Variants in RP1 observed in about 807,000 individuals in gnomAD.
The protein encoded by RP1 is RP1 axonemal microtubule associated.
RP1 carries 16 observed loss-of-function variants against 14.8 expected under a neutral mutation model. The observed-to-expected ratio is 1.08, with a 90% CI of 0.73 to 1.65. The LOEUF (loss-of-function observed/expected upper bound fraction) is 1.65, where lower values mean the gene tolerates loss of function less well. RP1 is among the 40% of genes most tolerant of loss of function. The pLI is 0.00. For missense variants in RP1, 2,631 were observed against 2,535.0 expected (o/e 1.04, Z -0.81); for synonymous variants, 876 against 883.6 (o/e 0.99, Z 0.15).
chr8:54,603,076 C>T (rs764736639), intron 1 of RP1, among the ~76,000 whole-genome samples: 4 of 152,092 alleles, frequency 2.6e-5, no homozygotes, highest in Non-Finnish European at 4.4e-5. Flanking sequence ...TTTTTGTTGC[C>T]ATTGCTTTTG....
At chr8:54,837,406 G>A in intron 24 of RP1, 1 of 845,726 alleles carries the variant, frequency 1.2e-6, no homozygotes, top group Non-Finnish European at 1.6e-6. Context: ...TTGGAAATTG[G>A]AGATGTAGGG....
At chr8:54,726,587 AC>A in intron 17 of RP1, 1 of 1,096,708 alleles carries the variant, frequency 9.1e-7, no homozygotes, top group Non-Finnish European at 1.2e-6. Flanking sequence ...ATTATGTTAT[AC>A]CACATGGACT....
At chr8:54,728,977 T>G (rs1808727114) in intron 17 of RP1, among the ~76,000 whole-genome samples, 1 of 152,150 alleles carries the variant, frequency 6.6e-6, no homozygotes, top group Non-Finnish European at 1.5e-5. Flanking sequence ...TTAAAGCAAA[T>G]ATAAGACACC....
intron 1 of RP1, among the ~76,000 whole-genome samples, chr8:54,591,763 G>A (rs1805046803): frequency 6.6e-6 from 1 of 152,068 alleles, no homozygotes; most frequent in Non-Finnish European, 1.5e-5. Flanking sequence ...ATGCGTCAGC[G>A]GCCAGGTGGG....
intron 28 of RP1, among the ~76,000 whole-genome samples, chr8:54,867,949 A>G (rs1322884744): frequency 6.6e-6 from 1 of 152,208 alleles, no homozygotes; most frequent in Non-Finnish European, 1.5e-5. Flanking sequence ...CAGTATATAT[A>G]CAACATTTGG....
chr8:54,665,026 T>G (rs146879159), intron 7 of RP1, among the ~76,000 whole-genome samples: 196 of 152,286 alleles, frequency 1.3e-3, no homozygotes, highest in African/African-American at 4.5e-3. Context: ...TATTTCTTCT[T>G]TTTTGTTGTT....
intron 1 of RP1, among the ~76,000 whole-genome samples, chr8:54,606,941 T>A (rs1335050579): frequency 7.4e-6 from 1 of 135,874 alleles, no homozygotes; most frequent in East Asian, 1.9e-4. Flanking sequence ...AGTTATCCAT[T>A]CGTCTAATTT....
At chr8:54,755,868 T>G (rs1809494517) in intron 21 of RP1, 1 of 1,183,644 alleles carries the variant, frequency 8.4e-7, no homozygotes, top group African/African-American at 1.6e-5. Flanking sequence ...CTCTTCAAAT[T>G]GTAGTTTTAA....
chr8:54,714,082 C>T (rs563279811), intron 15 of RP1, among the ~76,000 whole-genome samples: 8 of 152,254 alleles, frequency 5.3e-5, no homozygotes, highest in South Asian at 2.1e-4. Flanking sequence ...CCCACCACCA[C>T]GCCCAGCTAA....
chr8:54,654,141 T>C (rs1806711160), intron 5 of RP1, among the ~76,000 whole-genome samples: 1 of 152,216 alleles, frequency 6.6e-6, no homozygotes, highest in African/African-American at 2.4e-5. Flanking sequence ...AGTTTCCTTC[T>C]GAATGTAGAA....
intron 1 of RP1, among the ~76,000 whole-genome samples, chr8:54,570,794 C>A (rs1804503423): frequency 6.6e-6 from 1 of 152,152 alleles, no homozygotes; most frequent in Admixed American, 6.5e-5. Context: ...ATCTTTTCAG[C>A]CTGCTAGACT....
At chr8:54,704,321 G>C (rs1808098747) in intron 14 of RP1, among the ~76,000 whole-genome samples, 1 of 152,160 alleles carries the variant, frequency 6.6e-6, no homozygotes, top group South Asian at 2.1e-4. Flanking sequence ...GTGTCTGAGG[G>C]AATAGAGAGG....
rs144634346 is a variant in RP1 at position 54,854,550 on chromosome 8, G to C, written c.3990+1822G>C. Among the ~76,000 whole-genome samples the C allele has an allele frequency of 3.8e-3, 574 of 152,246 alleles. 2 individuals are homozygous for C. Among genetic ancestry groups the C allele is most frequent in the African/African-American group, 0.012 (511 of 41,550 alleles). Reference sequence around the variant, plus strand: ...GCAAGAAAATCCTCATAATCTAGGGGGTTGATTAGGACTTTAAAAGTGTTT... The same window carrying C: ...GCAAGAAAATCCTCATAATCTAGGGCGTTGATTAGGACTTTAAAAGTGTTT... On this transcript the variant is annotated intron_variant, in intron 26 of 28. Coordinates refer to the RP1 transcript ENST00000637698.
At chr8:54,648,488 A>G (rs1042313358) in intron 3 of RP1, among the ~76,000 whole-genome samples, 1 of 152,184 alleles carries the variant, frequency 6.6e-6, no homozygotes, top group African/African-American at 2.4e-5. Context: ...TGAATAAATT[A>G]TAGCAGATAA....
intron 18 of RP1, among the ~76,000 whole-genome samples, chr8:54,736,183 T>G (rs1213832076): frequency 6.6e-6 from 1 of 152,216 alleles, no homozygotes; most frequent in Non-Finnish European, 1.5e-5. Context: ...ACCTTGAATA[T>G]GCCACTTAAT....
intron 4 of RP1, among the ~76,000 whole-genome samples, chr8:54,649,319 A>G (rs1025445358): frequency 6.6e-6 from 1 of 152,200 alleles, no homozygotes; most frequent in East Asian, 1.9e-4. Flanking sequence ...TAAATCTGCA[A>G]TATGGGAAGA....
chr8:54,759,010 G>A lies in RP1; in HGVS notation c.3182G>A (p.Trp1061Ter), dbSNP rs1444426310. 2 of 1,535,302 alleles carry A rather than the reference G, an allele frequency of 1.3e-6. No homozygotes were observed. The highest frequency in any genetic ancestry group is 1.7e-6 in the Non-Finnish European group (2 of 1,146,356). The change falls in exon 22 of 23, where the codon TGG (tryptophan) becomes TAG (stop). Residue 1061 changes from tryptophan (W) to a stop codon, truncating the protein, a stop_gained. Coordinates refer to the RP1 transcript ENST00000636932. LOFTEE classifies it high-confidence loss of function. The stretch of plus-strand genomic sequence containing the variant: ...GAGGCCAGTGACAAATCACAGTACT[G>A]GTACTGTGAACAAGTCATAGTCAGA...
At chr8:54,661,577 CCTT>C (rs1806900098) in intron 6 of RP1, among the ~76,000 whole-genome samples, 2 of 151,896 alleles carry the variant, frequency 1.3e-5, no homozygotes, top group African/African-American at 4.8e-5. Context: ...TACTTATAAA[CCTT>C]CTGCATGAGC....
chr8:54,813,087 C>A (rs1325429206), intron 24 of RP1, among the ~76,000 whole-genome samples: 3 of 152,202 alleles, frequency 2.0e-5, no homozygotes, highest in African/African-American at 7.2e-5. Flanking sequence ...CCCAGTCCAA[C>A]TTTTATACTT....
Sources: allele counts gnomAD v4.1 joint callset (sites outside exome capture counted in the v4.1 genomes callset), GRCh38; gene constraint gnomAD v4.1.1; transcripts MANE v1.5; gene names NCBI Gene and HGNC (gene_info 2026-07-23, HGNC 2026-07-21).